Variants in ERC2 observed in about 807,000 individuals in gnomAD.
ERC2 encodes ERC protein 2.
Under a neutral mutation model 114.8 loss-of-function variants are expected in ERC2, and 42 were observed. That is an observed-to-expected ratio of 0.37 (90% CI 0.29 to 0.47). The LOEUF is 0.47. ERC2 is among the 20% of genes least tolerant of loss of function. ERC2 has a pLI of 0.99. For missense variants in ERC2, 939 were observed against 1,150.7 expected, an observed-to-expected ratio of 0.82 and a Z score of 2.66; for synonymous variants, 454 against 425.5, an observed-to-expected ratio of 1.07 and a Z score of -0.82.
chr3:55,836,519 A>C (rs909876458), intron 14 of ERC2, among the ~76,000 whole-genome samples: 2 of 152,230 alleles, frequency 1.3e-5, no homozygotes, highest in African/African-American at 2.4e-5. Context: ...TTCTCTATTT[A>C]ATAAATGGTG....
chr3:55,640,470 G>T (rs1230158972), intron 17 of ERC2, among the ~76,000 whole-genome samples: 3 of 152,220 alleles, frequency 2.0e-5, no homozygotes, highest in Non-Finnish European at 4.4e-5. Context: ...TCCTGCTTCA[G>T]GCAAATACAT....
At chr3:55,833,081 C>T (rs993740388) in intron 14 of ERC2, among the ~76,000 whole-genome samples, 1 of 149,334 alleles carries the variant, frequency 6.7e-6, no homozygotes, top group Non-Finnish European at 1.5e-5. Flanking sequence ...AAGAAATGAA[C>T]AAAGCCTCCA....
intron 7 of ERC2, among the ~76,000 whole-genome samples, chr3:56,047,066 A>G (rs2075508606): frequency 1.3e-5 from 2 of 152,190 alleles, no homozygotes; most frequent in South Asian, 2.1e-4. Flanking sequence ...AATTAAATTC[A>G]GGGTCCCTTA....
At chr3:55,725,941 AGT>A (rs2148897777) in intron 15 of ERC2, among the ~76,000 whole-genome samples, 1 of 152,328 alleles carries the variant, frequency 6.6e-6, no homozygotes, top group Non-Finnish European at 1.5e-5. Context: ...AGAGCAGATG[AGT>A]GTCTTACCCA....
intron 14 of ERC2, among the ~76,000 whole-genome samples, chr3:55,779,873 A>C (rs1260580277): frequency 6.6e-6 from 1 of 150,628 alleles, no homozygotes; most frequent in African/African-American, 2.5e-5. Context: ...CTTACAGTGT[A>C]ACTGGAGAAA....
chr3:55,816,346 T>A (rs2059904085), intron 14 of ERC2, among the ~76,000 whole-genome samples: 1 of 152,170 alleles, frequency 6.6e-6, no homozygotes, highest in Non-Finnish European at 1.5e-5. Context: ...ACTAGTGACA[T>A]CACTTAGTGA....
chr3:56,268,846 C>T (rs2053485398), intron 3 of ERC2, among the ~76,000 whole-genome samples: 1 of 152,180 alleles, frequency 6.6e-6, no homozygotes, highest in Non-Finnish European at 1.5e-5. Context: ...TCTCCCAGAC[C>T]TTTCCACACT....
chr3:56,069,029 A>T (rs565276373), intron 7 of ERC2, among the ~76,000 whole-genome samples: 1 of 152,304 alleles, frequency 6.6e-6, no homozygotes, highest in South Asian at 2.1e-4. Context: ...TTTGGGGTGG[A>T]GAGTTCTGTA....
chr3:55,663,361 G>T (rs1467786607), intron 17 of ERC2, among the ~76,000 whole-genome samples: 2 of 152,224 alleles, frequency 1.3e-5, no homozygotes, highest in Non-Finnish European at 2.9e-5. Flanking sequence ...CTGCAGCGCT[G>T]CCCCTTCATC....
At chr3:56,461,238 A>G (rs939431320) in intron 1 of ERC2, among the ~76,000 whole-genome samples, 2 of 152,214 alleles carry the variant, frequency 1.3e-5, no homozygotes, top group Admixed American at 1.3e-4. Flanking sequence ...TAAGTTACAT[A>G]AAGTTTAGCA....
intron 17 of ERC2, among the ~76,000 whole-genome samples, chr3:55,606,311 C>A (rs1034455266): frequency 4.6e-5 from 7 of 152,144 alleles, no homozygotes; most frequent in African/African-American, 1.4e-4. Flanking sequence ...TCTATTCATT[C>A]AGTAGTTACT....
At chr3:56,325,996 C>A (rs1421035664) in intron 2 of ERC2, among the ~76,000 whole-genome samples, 1 of 152,214 alleles carries the variant, frequency 6.6e-6, no homozygotes, top group Non-Finnish European at 1.5e-5. Context: ...TTCTTGCAGA[C>A]TCTGTACAAC....
At chr3:56,250,519 C>T (rs62253587) in intron 3 of ERC2, among the ~76,000 whole-genome samples, 16,851 of 152,170 alleles carry the variant, frequency 0.11, 1,259 homozygotes, top group Admixed American at 0.18. Context: ...CAAGATGACA[C>T]GCTCGCTTCA....
At chr3:55,534,234 C>T (rs2053848228) in intron 17 of ERC2, among the ~76,000 whole-genome samples, 1 of 152,174 alleles carries the variant, frequency 6.6e-6, no homozygotes, top group Admixed American at 6.5e-5. Context: ...GCCTGAGCAA[C>T]ATAACAAGAC....
At chr3:55,945,811 C>T (rs1387395772) in intron 13 of ERC2, among the ~76,000 whole-genome samples, 3 of 151,982 alleles carry the variant, frequency 2.0e-5, no homozygotes, top group East Asian at 3.9e-4. Context: ...AGAAACTTTA[C>T]GGTTCCCTGG....
chr3:55,746,846 G>C (rs2066340311), intron 14 of ERC2, among the ~76,000 whole-genome samples: 2 of 152,222 alleles, frequency 1.3e-5, no homozygotes, highest in Admixed American at 6.5e-5. Flanking sequence ...GCCTGCCACA[G>C]AGCTGGACAG....
At chr3:56,366,220 TTC>T (rs1200803815) in intron 2 of ERC2, among the ~76,000 whole-genome samples, 2 of 152,222 alleles carry the variant, frequency 1.3e-5, no homozygotes, top group Non-Finnish European at 2.9e-5. Context: ...ATCCGAAACC[TTC>T]TCTTTTTCAC....
At chr3:55,907,113 C>A (rs1221673065) in intron 13 of ERC2, among the ~76,000 whole-genome samples, 1 of 152,190 alleles carries the variant, frequency 6.6e-6, no homozygotes, top group Non-Finnish European at 1.5e-5. Context: ...TGCAAAAGAA[C>A]CAGTAGCTGA....
At chr3:55,646,158 T>A (rs2060389347) in intron 17 of ERC2, among the ~76,000 whole-genome samples, 1 of 152,202 alleles carries the variant, frequency 6.6e-6, no homozygotes, top group Non-Finnish European at 1.5e-5. Flanking sequence ...TTGCTTATTG[T>A]GTTTCTGGAT....
Sources: allele counts gnomAD v4.1 joint callset (sites outside exome capture counted in the v4.1 genomes callset), GRCh38; gene constraint gnomAD v4.1.1; transcripts MANE v1.5; gene names NCBI Gene and HGNC (gene_info 2026-07-23, HGNC 2026-07-21).